The following GRAMD2B variants were observed in gnomAD, a reference collection of about 807,000 sequenced individuals.
GRAMD2B encodes the protein GRAM domain-containing protein 2B.
In GRAMD2B, 41 loss-of-function variants were observed where a neutral mutation model predicts 59.2. That is an observed-to-expected ratio of 0.69 (90% confidence interval 0.54 to 0.90). GRAMD2B has a LOEUF of 0.90. Ranked by LOEUF, GRAMD2B falls within the 40% of genes least tolerant of loss-of-function variation. The pLI, the probability that GRAMD2B is intolerant of heterozygous loss-of-function variation, is 0.00. For synonymous variants in GRAMD2B, 161 were observed against 182.7 expected, an observed-to-expected ratio of 0.88 and a Z score of 0.96; for missense variants, 424 against 500.5, an observed-to-expected ratio of 0.85 and a Z score of 1.46.
At chr5:126,470,902 T>G (rs1561576514) in intron 3 of GRAMD2B, among the ~76,000 whole-genome samples, 1 of 152,210 alleles carries the variant, frequency 6.6e-6, no homozygotes, top group East Asian at 1.9e-4. Context: ...CTACCTTTTT[T>G]GCCATTTATT....
intron 1 of GRAMD2B, among the ~76,000 whole-genome samples, chr5:126,430,959 A>G (rs958443176): frequency 6.6e-6 from 1 of 152,228 alleles, no homozygotes; most frequent in Admixed American, 6.5e-5. Context: ...CAGAATTGGA[A>G]CATAATCTTC....
chr5:126,370,450 A>G (rs1474413344), upstream of GRAMD2B, among the ~76,000 whole-genome samples: 1 of 152,216 alleles, frequency 6.6e-6, no homozygotes, highest in Admixed American at 6.5e-5. Context: ...GAACAAGGAG[A>G]GAGAGCATAG....
At chr5:126,360,246 G>T in exon 1 of GRAMD2B, 1 of 1,463,684 alleles carries the variant, frequency 6.8e-7, no homozygotes, top group Non-Finnish European at 9.3e-7. Context: ...GGCTCAAAGA[G>T]CTGTGGTTGG....
chr5:126,479,219 A>T (rs1168840786), intron 6 of GRAMD2B, among the ~76,000 whole-genome samples: 1 of 151,780 alleles, frequency 6.6e-6, no homozygotes, highest in Non-Finnish European at 1.5e-5. Context: ...TTCTTTTTTC[A>T]ATAGAGATGG....
chr5:126,397,802 C>T (rs528774974), intron 1 of GRAMD2B, among the ~76,000 whole-genome samples: 2 of 152,144 alleles, frequency 1.3e-5, no homozygotes, highest in Admixed American at 1.3e-4. Context: ...TATCTGTGTT[C>T]ATCAGTAATG....
chr5:126,368,265 C>T (rs1339989779), upstream of GRAMD2B, among the ~76,000 whole-genome samples: 1 of 152,194 alleles, frequency 6.6e-6, no homozygotes, highest in Non-Finnish European at 1.5e-5. Flanking sequence ...CAAATGAAAG[C>T]TGTGGCACAG....
At chr5:126,360,701 T>G (rs1166561885) in intron 1 of GRAMD2B, among the ~76,000 whole-genome samples, 1 of 152,172 alleles carries the variant, frequency 6.6e-6, no homozygotes, top group Admixed American at 6.5e-5. Context: ...ATAGGTGTAT[T>G]GCACAAAACT....
intron 1 of GRAMD2B, among the ~76,000 whole-genome samples, chr5:126,412,436 A>G (rs931228498): frequency 1.2e-4 from 19 of 152,142 alleles, no homozygotes; most frequent in African/African-American, 4.3e-4. Flanking sequence ...AAATGAAGCA[A>G]CCTTGCATCC....
chr5:126,386,806 A>G (rs113066877), intron 1 of GRAMD2B, among the ~76,000 whole-genome samples: 1,637 of 152,264 alleles, frequency 0.011, 41 homozygotes, highest in African/African-American at 0.038. Flanking sequence ...AGGATTAGGT[A>G]CAGATAATTT....
intron 1 of GRAMD2B, among the ~76,000 whole-genome samples, chr5:126,403,021 G>A (rs1216957500): frequency 6.6e-6 from 1 of 151,926 alleles, no homozygotes; most frequent in Non-Finnish European, 1.5e-5. Context: ...GAAGTTAGTA[G>A]GAGGCAAGTA....
chr5:126,415,100 T>C (rs750213272), intron 1 of GRAMD2B, among the ~76,000 whole-genome samples: 20 of 152,184 alleles, frequency 1.3e-4, no homozygotes. Context: ...GAGCTTGGAA[T>C]AGAGCCCAGT....
At chr5:126,414,067 TA>T (rs1488822409) in intron 1 of GRAMD2B, among the ~76,000 whole-genome samples, 6 of 152,074 alleles carry the variant, frequency 3.9e-5, no homozygotes, top group African/African-American at 1.4e-4. Context: ...AGTTGTTTAC[TA>T]AAAAAATACC....
intron 1 of GRAMD2B, among the ~76,000 whole-genome samples, chr5:126,378,691 A>G (rs1755408932): frequency 6.6e-6 from 1 of 152,178 alleles, no homozygotes; most frequent in African/African-American, 2.4e-5. Context: ...ATGAACTCTC[A>G]GCTAGCGGAA....
At position 126,374,054 on chromosome 5, in the gene GRAMD2B, C is replaced by A. The variant is rs185739902; in HGVS notation, c.125+2487C>A. The stretch of plus-strand genomic sequence containing the variant: ...TCTGAGCATTCAAGCAATGCTGCAT[C>A]TTGCCTGTTTCCCCTGGTACATTGT... On this transcript the variant is annotated intron_variant, in intron 1 of 8. Coordinates refer to the GRAMD2B transcript ENST00000506445. Among the ~76,000 whole-genome samples, 388 of 152,320 alleles carry A rather than the reference C, an allele frequency of 2.5e-3. 7 individuals carry two copies. The highest frequency in any genetic ancestry group is 2.9e-3 in the Non-Finnish European group (194 of 68,028).
intron 2 of GRAMD2B, 33 bp from the exon 3 acceptor site, chr5:126,469,644 A>T (rs1172466710): frequency 1.4e-6 from 2 of 1,459,980 alleles, no homozygotes; most frequent in Admixed American, 3.7e-5. Flanking sequence ...AAAAAAAATT[A>T]TCTTATAGAC....
intron 1 of GRAMD2B, among the ~76,000 whole-genome samples, chr5:126,363,587 G>A (rs776934323): frequency 5.3e-5 from 8 of 152,154 alleles, no homozygotes; most frequent in Non-Finnish European, 7.4e-5. Context: ...TAAATACAAT[G>A]TGGTATATCC....
chr5:126,417,528 C>T lies in GRAMD2B; in HGVS notation c.125+45961C>T, dbSNP rs73332496. ...CTGAGTCTTCAAATGACTTCAAACC[C>T]GGCCTTTATCTGAGTGCAAATGCAT... On this transcript the variant is annotated intron_variant, in intron 1 of 8. Coordinates refer to the GRAMD2B transcript ENST00000506445. Among the ~76,000 whole-genome samples the T allele has an allele frequency of 6.8e-3, 1,032 of 152,296 alleles. 8 individuals carry two copies. The highest frequency in any genetic ancestry group is 0.023 in the African/African-American group (969 of 41,568).
upstream of GRAMD2B, chr5:126,371,187 G>T: frequency 6.5e-6 from 3 of 460,292 alleles, no homozygotes; most frequent in Non-Finnish European, 8.8e-6. Context: ...TGAACTAAAA[G>T]TTGAATTTCC....
intron 2 of GRAMD2B, among the ~76,000 whole-genome samples, chr5:126,469,350 G>A (rs934480534): frequency 1.3e-5 from 2 of 152,172 alleles, no homozygotes; most frequent in African/African-American, 4.8e-5. Flanking sequence ...AATGAAAAAT[G>A]TATCTCATAG....
Sources: gnomAD v4.1 joint callset for allele counts (sites outside exome capture counted in the v4.1 genomes callset) on GRCh38, gnomAD v4.1.1 for gene constraint, MANE v1.5 for transcripts, NCBI Gene and HGNC (gene_info 2026-07-23, HGNC 2026-07-21) for gene names.